NT5C2: variants seen among roughly 807,000 people sequenced by gnomAD.
NT5C2 encodes the protein 5'-nucleotidase, cytosolic II.
In NT5C2, 58 loss-of-function variants were observed where a neutral mutation model predicts 76.1. The ratio of observed to expected loss-of-function variants is 0.76; its 90% CI spans 0.62 to 0.95. The LOEUF (loss-of-function observed/expected upper bound fraction) is 0.95. Ranked by LOEUF, NT5C2 falls within the 40% of genes least tolerant of loss-of-function variation. The probability of loss-of-function intolerance (pLI) is 0.00; values close to 1 mark genes in which losing one functional copy is unlikely to be tolerated. For missense variants in NT5C2, 478 were observed against 690.3 expected (o/e 0.69, Z 3.45); for synonymous variants, 229 against 237.4 (o/e 0.96, Z 0.32).
intron 4 of NT5C2, among the ~76,000 whole-genome samples, chr10:103,109,284 A>C (rs907039857): frequency 5.3e-5 from 8 of 152,200 alleles, no homozygotes; most frequent in Non-Finnish European, 1.2e-4. Context: ...TACACTGTGG[A>C]TAAAAAAATA....
chr10:103,104,578 G>T (rs1440544362), intron 6 of NT5C2, among the ~76,000 whole-genome samples: 2 of 152,176 alleles, frequency 1.3e-5, no homozygotes, highest in East Asian at 3.8e-4. Flanking sequence ...AAGAAACAGT[G>T]AAAGAAATGT....
At chr10:103,168,160 A>G (rs1202053359) in intron 3 of NT5C2, among the ~76,000 whole-genome samples, 1 of 152,160 alleles carries the variant, frequency 6.6e-6, no homozygotes, top group Non-Finnish European at 1.5e-5. Flanking sequence ...AAGTCTTTAA[A>G]GAATTTTAAA....
In NT5C2 at chr10:103,100,022, A is replaced by G; in HGVS notation, c.540-3T>C. On this transcript the variant is annotated splice_region_variant and splice_polypyrimidine_tract_variant and intron_variant, in intron 8 of 18. Transcript: ENST00000404739. ...CATCTTTAAATCCTGTTTCACAACT[A>G]CAGAAAGATAAAAATAACATGACAG... is the stretch of plus-strand genomic sequence containing the variant. The G allele has an allele frequency of 6.3e-7, 1 of 1,586,918 alleles. No individual in the cohort carries two copies. The highest frequency in any genetic ancestry group is 8.6e-7 in the Non-Finnish European group (1 of 1,156,446).
intron 1 of NT5C2, among the ~76,000 whole-genome samples, chr10:103,183,900 T>G (rs920847571): frequency 1.3e-5 from 2 of 152,086 alleles, no homozygotes; most frequent in Non-Finnish European, 2.9e-5. Flanking sequence ...TTATCTTAAA[T>G]GTTTCATTAC....
rs544595324 is a variant in NT5C2 at position 103,091,207 on chromosome 10, T to C, written c.1212-211A>G. 5.9e-5 allele frequency among the ~76,000 whole-genome samples: 9 copies of C among 152,170 alleles called. No homozygotes were observed. In the South Asian group the frequency reaches 1.9e-3, roughly 32 times the overall value. On this transcript the variant is annotated intron_variant, in intron 16 of 18. Transcript: ENST00000404739. Reference sequence around the variant, plus strand: ...TGTGCCACCACACTCAGCTACTTTTTGTATTTCTGGTAGAGATGGGGTTTC... The same window carrying C: ...TGTGCCACCACACTCAGCTACTTTTCGTATTTCTGGTAGAGATGGGGTTTC...
rs2136188579 is a variant in NT5C2, at chr10:103,135,651, A to C, written c.175+3755T>G. On this transcript the variant is annotated intron_variant, in intron 4 of 18. Coordinates refer to ENST00000404739, the MANE Select transcript of NT5C2 (RefSeq NM_001351169.2). ...AAAAATACAAAAATTAGCCGGGCAT[A>C]GTGGCAGGCACCTGTAATCCCAGCT... Among the ~76,000 whole-genome samples, 2 of 152,104 alleles carry C rather than the reference A, an allele frequency of 1.3e-5. 1 individual carries two copies. Among genetic ancestry groups the C allele is most frequent in the South Asian group, 4.2e-4 (2 of 4,806 alleles).
At chr10:103,164,345 C>T (rs1452169885) in intron 3 of NT5C2, among the ~76,000 whole-genome samples, 1 of 152,118 alleles carries the variant, frequency 6.6e-6, no homozygotes, top group Admixed American at 6.5e-5. Context: ...GCAACTTCTG[C>T]CTCCTGGGTT....
intron 1 of NT5C2, among the ~76,000 whole-genome samples, chr10:103,191,690 G>A (rs138435765): frequency 9.0e-4 from 135 of 150,692 alleles, no homozygotes; most frequent in African/African-American, 3.2e-3. Flanking sequence ...AAGGAATCTT[G>A]CATAACATCT....
chr10:103,123,005 T>G (rs1309056490), intron 4 of NT5C2, among the ~76,000 whole-genome samples: 1 of 152,204 alleles, frequency 6.6e-6, no homozygotes, highest in Non-Finnish European at 1.5e-5. Context: ...TGTATGCTTT[T>G]CTCTCACTAA....
intron 3 of NT5C2, among the ~76,000 whole-genome samples, chr10:103,144,146 T>C (rs1400816821): frequency 6.6e-6 from 1 of 152,158 alleles, no homozygotes; most frequent in Admixed American, 6.5e-5. Flanking sequence ...AGAAACTAAA[T>C]GTAACTACTG....
chr10:103,130,583 T>A (rs201573610), intron 4 of NT5C2, among the ~76,000 whole-genome samples: 19 of 137,332 alleles, frequency 1.4e-4, no homozygotes, highest in Middle Eastern at 3.7e-3. Context: ...AAATAAAAAT[T>A]AAAAAAAAAA....
intron 3 of NT5C2, among the ~76,000 whole-genome samples, chr10:103,142,986 CAAAAAAA>C (rs371773086): frequency 2.0e-5 from 1 of 50,362 alleles, no homozygotes; most frequent in African/African-American, 7.0e-5. Flanking sequence ...AAGATTCCAT[CAAAAAAA>C]AAAAAAAAAA....
Position 103,102,754 on chromosome 10 carries a change from AGAT to A in NT5C2, c.390-1431_390-1429del, listed in dbSNP as rs202136881. On this transcript the variant is annotated intron_variant, in intron 6 of 18. Coordinates refer to ENST00000404739, the MANE Select transcript of NT5C2 (RefSeq NM_001351169.2). Reference sequence around the variant, plus strand: ...TACGATGAACAGAAATATGAAAACTAGATAAGAAGTGATGTGAGAGTAGTTCTA... The same window carrying A: ...TACGATGAACAGAAATATGAAAACTAAAGAAGTGATGTGAGAGTAGTTCTA... Among the ~76,000 whole-genome samples the A allele has an allele frequency of 4.8e-3, 725 of 152,226 alleles. 19 individuals are homozygous for A. The East Asian group carries it at 0.071, about 15-fold the overall frequency.
intron 6 of NT5C2, among the ~76,000 whole-genome samples, chr10:103,104,494 C>T (rs1564976186): frequency 6.6e-6 from 1 of 152,206 alleles, no homozygotes. Context: ...GTTACTAGTA[C>T]AACCTGTAAT....
chr10:103,117,447 G>A (rs894702698), intron 4 of NT5C2, among the ~76,000 whole-genome samples: 1 of 152,172 alleles, frequency 6.6e-6, no homozygotes, highest in Non-Finnish European at 1.5e-5. Context: ...AGCAGTTCAA[G>A]ATCCAACTGG....
chr10:103,157,702 A>C (rs2083733070), intron 3 of NT5C2, among the ~76,000 whole-genome samples: 2 of 152,206 alleles, frequency 1.3e-5, no homozygotes, highest in South Asian at 4.1e-4. Context: ...AAACCAAGAC[A>C]CAGTAAATTT....
chr10:103,166,128 AATTGAC>A (rs1166772531), intron 3 of NT5C2, among the ~76,000 whole-genome samples: 1 of 152,270 alleles, frequency 6.6e-6, no homozygotes, highest in African/African-American at 2.4e-5. Flanking sequence ...ACAACAAAGA[AATTGAC>A]ATTGACACAA....
At chr10:103,161,483 A>C (rs1307610120) in intron 3 of NT5C2, among the ~76,000 whole-genome samples, 2 of 152,348 alleles carry the variant, frequency 1.3e-5, no homozygotes, top group African/African-American at 4.8e-5. Flanking sequence ...TGCCTGACCA[A>C]TAGAATATTA....
chr10:103,139,373 G>C (rs1405737956), intron 4 of NT5C2, 33 bp downstream of exon 4: 1 of 1,438,308 alleles, frequency 7.0e-7, no homozygotes, highest in Admixed American at 2.0e-5. Flanking sequence ...ACCCAAAGCA[G>C]CAGTTCTTAA....
Sources: gnomAD v4.1 joint callset for allele counts (sites outside exome capture counted in the v4.1 genomes callset) on GRCh38, gnomAD v4.1.1 for gene constraint, MANE v1.5 for transcripts, NCBI Gene and HGNC (gene_info 2026-07-23, HGNC 2026-07-21) for gene names.